TMEM81: variants seen among roughly 807,000 people sequenced by gnomAD.
TMEM81 encodes transmembrane protein 81.
For missense variants in TMEM81, 294 were observed against 300.5 expected (o/e 0.98, Z 0.16); for synonymous variants, 132 against 119.1 (o/e 1.11, Z -0.71).
rs538069347 is a variant in TMEM81, at chr1:205,083,345, G to A, written c.*208C>T. ...CCCAATGGGCAGGGAAGATCAGGAAGAGATCCATGGGACATAAGGAAGTTA... is the reference window on the plus strand; with the variant it reads ...CCCAATGGGCAGGGAAGATCAGGAAAAGATCCATGGGACATAAGGAAGTTA... On this transcript the variant is annotated 3_prime_UTR_variant, in exon 1 of 1. Transcript: ENST00000367167. 16 of 540,934 alleles carry A rather than the reference G, an allele frequency of 3.0e-5. No homozygotes were observed. Among genetic ancestry groups the A allele is most frequent in the African/African-American group, 2.6e-4 (14 of 52,990 alleles). The allele number at this position is 540,934 out of a possible 1,614,324, so 33.5% of individuals were successfully genotyped here. A position where few individuals can be genotyped will look rare whatever the true frequency, so the allele number is the denominator to read the frequency against.
At position 205,083,905 on chromosome 1, in the gene TMEM81, T is replaced by C. The variant is rs779975278; in HGVS notation, c.416A>G (p.Gln139Arg). Reference protein sequence around the residue: ...STDDEVFKPFQANSHFVKFKY... With the variant: ...STDDEVFKPFRANSHFVKFKY... ...AAACTTCACAAAGTGGGAGTTGGCT[T>C]GAAAGGGTTTGAAGACCTCATCGTC... Residue 139 changes from glutamine to arginine, a missense_variant, in exon 1 of 1, where the codon CAA (glutamine) becomes CGA (arginine). Transcript: ENST00000367167. 20 of 1,614,096 alleles carry C rather than the reference T, an allele frequency of 1.2e-5. No individual in the cohort carries two copies. The highest frequency in any genetic ancestry group is 3.3e-4 in the Middle Eastern group (2 of 6,084).
chr1:205,083,446 C>T lies in TMEM81; in HGVS notation c.*107G>A. 7.7e-7 allele frequency: 1 copy of T among 1,305,220 alleles called. No homozygotes were observed. Among genetic ancestry groups the T allele is most frequent in the Non-Finnish European group, 1.1e-6 (1 of 951,542 alleles). 80.9% of individuals were successfully genotyped at this position (1,305,220 alleles called of 1,614,324 possible). A position where few individuals can be genotyped will look rare whatever the true frequency, so the allele number is the denominator to read the frequency against. The stretch of plus-strand genomic sequence containing the variant: ...ATTCTTTTGGCTGTGGGAGTGTTCC[C>T]TCTAAGCTGATCCACTACCAGCAGC... On this transcript the variant is annotated 3_prime_UTR_variant, in exon 1 of 1. Coordinates refer to ENST00000367167, the MANE Select transcript of TMEM81 (RefSeq NM_203376.2).
chr1:205,083,565 G>T lies in TMEM81; in HGVS notation c.756C>A (p.Gly252=). 5 of 1,603,792 alleles carry T rather than the reference G, an allele frequency of 3.1e-6. No homozygotes were observed. Among genetic ancestry groups the T allele is most frequent in the Non-Finnish European group, 4.3e-6 (5 of 1,172,970 alleles). The change falls in exon 1 of 1, where the codon GGC becomes GGA. Residue 252 remains glycine (G), a synonymous_variant. Transcript: ENST00000367167. ...GTTCTTGAAGCTGTCACTGCTGCAG[G>T]CCCCCCCTTAGCGCACAGAGGACAA... is the stretch of plus-strand genomic sequence containing the variant. ...VRIVLCALRG[G]LQQ
chr1:205,083,157 AT>A lies in TMEM81; in HGVS notation c.*395del, dbSNP rs1655053787. ...TGTGAATTACTTTTATTGAAAAAAA[AT>A]GTTCACTAAAAAGGCTGAATACATC... On this transcript the variant is annotated 3_prime_UTR_variant, in exon 1 of 1. Transcript: ENST00000367167. The A allele has an allele frequency of 1.8e-5, 3 of 170,898 alleles. No individual in the cohort carries two copies. Among genetic ancestry groups the A allele is most frequent in the Non-Finnish European group, 3.7e-5 (3 of 81,098 alleles). The allele number at this position is 170,898 out of a possible 1,614,324, so 10.6% of individuals were successfully genotyped here. A position where few individuals can be genotyped will look rare whatever the true frequency, so the allele number is the denominator to read the frequency against.
chr1:205,083,573 T>A lies in TMEM81; in HGVS notation c.748A>T (p.Arg250Trp). 2 of 1,610,260 alleles carry A rather than the reference T, an allele frequency of 1.2e-6. No individual in the cohort carries two copies. The highest frequency in any genetic ancestry group is 8.5e-7 in the Non-Finnish European group (1 of 1,177,252). The change falls in exon 1 of 1, where the codon AGG becomes TGG. Residue 250 changes from arginine to tryptophan, a missense_variant. Arg to Trp is a moderately radical substitution (Grantham distance 101). Transcript: ENST00000367167. ...AGCTGTCACTGCTGCAGGCCCCCCC[T>A]TAGCGCACAGAGGACAATCCTCACC... ...VLVRIVLCAL[R>W]GGLQQ is the part of the protein sequence containing the mutation.
At position 205,083,842 on chromosome 1, in the gene TMEM81, C is replaced by T; in HGVS notation, c.479G>A (p.Cys160Tyr). The change falls in exon 1 of 1, where the codon TGT becomes TAT. Residue 160 changes from cysteine to tyrosine, a missense_variant. Cys to Tyr is a radical substitution (Grantham distance 194). Coordinates refer to ENST00000367167, the MANE Select transcript of TMEM81 (RefSeq NM_203376.2). ...CAAGTTTTTTACCAGCTGCACATCA[C>T]AGCGATATGTCCCAGAGTCATACTC... ...AQEYDSGTYR[C>Y]DVQLVKNLRL... 6.2e-7 allele frequency: 1 copy of T among 1,614,216 alleles called. No homozygotes were observed. The highest frequency in any genetic ancestry group is 8.5e-7 in the Non-Finnish European group (1 of 1,180,050).
chr1:205,083,534 T>A lies in TMEM81; in HGVS notation c.*19A>T. 2 of 1,581,910 alleles carry A rather than the reference T, an allele frequency of 1.3e-6. No individual in the cohort carries two copies. The highest frequency in any genetic ancestry group is 2.3e-5 in the South Asian group (2 of 85,486). On this transcript the variant is annotated 3_prime_UTR_variant, in exon 1 of 1. Coordinates refer to ENST00000367167, the MANE Select transcript of TMEM81 (RefSeq NM_203376.2). ...GCAGCCAGTTCTTCAGGAGCAAGGC[T>A]GTTAAGTTCTTGAAGCTGTCACTGC... is the stretch of plus-strand genomic sequence containing the variant.
Position 205,083,604 on chromosome 1 carries a change from GCCA to G in TMEM81, c.714_716del (p.Gly239del). 1 of 1,614,092 alleles carries G rather than the reference GCCA, an allele frequency of 6.2e-7. No individual in the cohort carries two copies. The highest frequency in any genetic ancestry group is 8.5e-7 in the Non-Finnish European group (1 of 1,180,008). On this transcript the variant is annotated inframe_deletion, in exon 1 of 1. Coordinates refer to ENST00000367167, the MANE Select transcript of TMEM81 (RefSeq NM_203376.2). Reference sequence around the variant, plus strand: ...CACAGAGGACAATCCTCACCAACACGCCACCAACCACTCCAATGGCAATTCCTA... The same window carrying G: ...CACAGAGGACAATCCTCACCAACACGCCAACCACTCCAATGGCAATTCCTA...
Position 205,083,668 on chromosome 1 carries a change from G to A in TMEM81, c.653C>T (p.Pro218Leu), listed in dbSNP as rs1655062384. 6.2e-7 allele frequency: 1 copy of A among 1,614,188 alleles called. No homozygotes were observed. Among genetic ancestry groups the A allele is most frequent in the Non-Finnish European group, 8.5e-7 (1 of 1,180,040 alleles). ...TGACGCCACCTTCTTTTTCCACTTTGGGTGGTGAGGCTTGGAGTAGCTGTC... is the reference window on the plus strand; with the variant it reads ...TGACGCCACCTTCTTTTTCCACTTTAGGTGGTGAGGCTTGGAGTAGCTGTC... The part of the protein sequence containing the change: ...NLDSYSKPHH[P>L]KWKKKVASAL... The change falls in exon 1 of 1, where the codon CCA becomes CTA. Residue 218 changes from proline to leucine, a missense_variant. Transcript: ENST00000367167.
At position 205,083,900 on chromosome 1, in the gene TMEM81, T is replaced by G. The variant is rs200742314; in HGVS notation, c.421A>C (p.Asn141His). The G allele has an allele frequency of 1.9e-6, 3 of 1,614,184 alleles. No homozygotes were observed. Among genetic ancestry groups the G allele is most frequent in the Admixed American group, 3.3e-5 (2 of 60,024 alleles). The change falls in exon 1 of 1, where the codon AAC becomes CAC. Residue 141 changes from asparagine to histidine, a missense_variant. By Grantham distance (68) the Asn-to-His change is moderately conservative. Transcript: ENST00000367167. ...TATTTAAACTTCACAAAGTGGGAGT[T>G]GGCTTGAAAGGGTTTGAAGACCTCA... is the stretch of plus-strand genomic sequence containing the variant. ...DDEVFKPFQA[N>H]SHFVKFKYAQ...
chr1:205,084,311 A>C lies in TMEM81; in HGVS notation c.10T>G (p.Leu4Val). ...CTCCCAAGGACAAAACTAGTGGCTA[A>C]AACCTTCATGTCTCGGTAGGCGTTT... MKV[L>V]ATSFVLGSLG... The change falls in exon 1 of 1, where the codon TTA becomes GTA. Residue 4 changes from leucine (L) to valine (V), a missense_variant. Coordinates refer to ENST00000367167, the MANE Select transcript of TMEM81 (RefSeq NM_203376.2). 1 of 1,612,870 alleles carries C rather than the reference A, an allele frequency of 6.2e-7. No individual in the cohort carries two copies. Among genetic ancestry groups the C allele is most frequent in the Non-Finnish European group, 8.5e-7 (1 of 1,179,372 alleles).
chr1:205,083,464 C>T lies in TMEM81; in HGVS notation c.*89G>A. ...GTGTTCCCTCTAAGCTGATCCACTA[C>T]CAGCAGCTGGAACACTCCCCTAAAA... On this transcript the variant is annotated 3_prime_UTR_variant, in exon 1 of 1. Coordinates refer to ENST00000367167, the MANE Select transcript of TMEM81 (RefSeq NM_203376.2). The T allele has an allele frequency of 7.0e-7, 1 of 1,431,886 alleles. No homozygotes were observed. The highest frequency in any genetic ancestry group is 1.4e-5 in the African/African-American group (1 of 70,090). 88.7% of individuals were successfully genotyped at this position (1,431,886 alleles called of 1,614,324 possible). A position where few individuals can be genotyped will look rare whatever the true frequency, so the allele number is the denominator to read the frequency against.
Position 205,084,201 on chromosome 1 carries a change from CCCCACAGCTT to C in TMEM81, c.110_119del (p.Glu37GlyfsTer31), listed in dbSNP as rs1655076190. 6.2e-7 allele frequency: 1 copy of C among 1,614,048 alleles called. No homozygotes were observed. The highest frequency in any genetic ancestry group is 1.7e-5 in the Admixed American group (1 of 60,000). ...AGGTTGTGGCATTGATGATAACTTT[CCCCACAGCTT>C]CTTGCAGCTTCTCAGGGATGGCCAG... is the stretch of plus-strand genomic sequence containing the variant. On this transcript the variant is annotated frameshift_variant, in exon 1 of 1. Coordinates refer to ENST00000367167, the MANE Select transcript of TMEM81 (RefSeq NM_203376.2). LOFTEE classifies it low-confidence loss of function (END_TRUNC).
chr1:205,083,342 GA>G lies in TMEM81; in HGVS notation c.*210del. 1 of 539,796 alleles carries G rather than the reference GA, an allele frequency of 1.9e-6. No homozygotes were observed. The highest frequency in any genetic ancestry group is 3.2e-6 in the Non-Finnish European group (1 of 314,124). The allele number at this position is 539,796 out of a possible 1,614,324, so 33.4% of individuals were successfully genotyped here. Reference sequence around the variant, plus strand: ...GTACCCAATGGGCAGGGAAGATCAGGAAGAGATCCATGGGACATAAGGAAGT... The same window carrying G: ...GTACCCAATGGGCAGGGAAGATCAGGAGAGATCCATGGGACATAAGGAAGT... On this transcript the variant is annotated 3_prime_UTR_variant, in exon 1 of 1. Transcript: ENST00000367167.
Position 205,084,053 on chromosome 1 carries a change from G to A in TMEM81, c.268C>T (p.Leu90Phe). Reference sequence around the variant, plus strand: ...TTGCCAATGAGAATGGTGAAATGGAGCATCCCACAGATCCAGTTGGTCAGA... The same window carrying A: ...TTGCCAATGAGAATGGTGAAATGGAACATCCCACAGATCCAGTTGGTCAGA... ...ECLTNWICGM[L>F]HFTILIGKEF... Residue 90 changes from leucine to phenylalanine, a missense_variant, in exon 1 of 1, where the codon CTC becomes TTC. By Grantham distance (22) the Leu-to-Phe change is conservative. Transcript: ENST00000367167. The A allele has an allele frequency of 6.2e-7, 1 of 1,614,208 alleles. No homozygotes were observed. The highest frequency in any genetic ancestry group is 8.5e-7 in the Non-Finnish European group (1 of 1,180,040).
At position 205,084,441 on chromosome 1, in the gene TMEM81, G is replaced by T; in HGVS notation, c.-121C>A. On this transcript the variant is annotated 5_prime_UTR_variant, in exon 1 of 1. Transcript: ENST00000367167. ...ATCCTTCAAAGTCAAAAGATATGAT[G>T]CATGTATTGTCAATAAAACAACACA... The T allele has an allele frequency of 9.7e-7, 1 of 1,026,482 alleles. No individual in the cohort carries two copies. Among genetic ancestry groups the T allele is most frequent in the Non-Finnish European group, 1.4e-6 (1 of 702,812 alleles). 63.6% of individuals were successfully genotyped at this position (1,026,482 alleles called of 1,614,324 possible).
At position 205,083,765 on chromosome 1, in the gene TMEM81, C is replaced by T. The variant is rs984678451; in HGVS notation, c.556G>A (p.Val186Met). The change falls in exon 1 of 1, where the codon GTG becomes ATG. Residue 186 changes from valine to methionine, a missense_variant. Physicochemically the swap from Val to Met is conservative, Grantham distance 21. Coordinates refer to ENST00000367167, the MANE Select transcript of TMEM81 (RefSeq NM_203376.2). ...FGLRVLPPNL[V>M]NLNFHQSLTE... ...AGTGACTGATGGAAATTCAGATTCA[C>T]CAAGTTAGGAGGAAGGACCCTCAAC... The T allele has an allele frequency of 1.2e-6, 2 of 1,614,018 alleles. No individual in the cohort carries two copies. The highest frequency in any genetic ancestry group is 2.2e-5 in the East Asian group (1 of 44,894).
chr1:205,083,572 C>A lies in TMEM81; in HGVS notation c.749G>T (p.Arg250Met). ...AAGCTGTCACTGCTGCAGGCCCCCC[C>A]TTAGCGCACAGAGGACAATCCTCAC... ...VLVRIVLCALRGGLQQ is the reference protein window; with the variant it reads ...VLVRIVLCALMGGLQQ Residue 250 changes from arginine to methionine, a missense_variant, in exon 1 of 1, where the codon AGG (arginine) becomes ATG (methionine). Transcript: ENST00000367167. 1 of 1,609,916 alleles carries A rather than the reference C, an allele frequency of 6.2e-7. No homozygotes were observed. Among genetic ancestry groups the A allele is most frequent in the Non-Finnish European group, 8.5e-7 (1 of 1,177,012 alleles).
In TMEM81 at chr1:205,083,385, G is replaced by C; in HGVS notation, c.*168C>G. On this transcript the variant is annotated 3_prime_UTR_variant, in exon 1 of 1. Coordinates refer to ENST00000367167, the MANE Select transcript of TMEM81 (RefSeq NM_203376.2). Reference sequence around the variant, plus strand: ...TAAGGAAGTTAGGTTACTGCGCATAGCTCCCAGGAGATTGTCCCCTCCATT... The same window carrying C: ...TAAGGAAGTTAGGTTACTGCGCATACCTCCCAGGAGATTGTCCCCTCCATT... The C allele has an allele frequency of 1.4e-6, 1 of 730,680 alleles. No homozygotes were observed. The allele number at this position is 730,680 out of a possible 1,614,324, so 45.3% of individuals were successfully genotyped here. A position where few individuals can be genotyped will look rare whatever the true frequency, so the allele number is the denominator to read the frequency against.
Sources: allele counts gnomAD v4.1 joint callset, GRCh38; gene constraint gnomAD v4.1.1; transcripts MANE v1.5; gene names NCBI Gene and HGNC (gene_info 2026-07-23, HGNC 2026-07-21).